The following IDE variants were observed in gnomAD, a reference collection of about 807,000 sequenced individuals.
IDE encodes the protein insulin degrading enzyme.
Under a neutral mutation model 133.2 loss-of-function variants are expected in IDE, and 58 were observed. That is an observed-to-expected ratio of 0.44 (90% confidence interval 0.35 to 0.54). The LOEUF (loss-of-function observed/expected upper bound fraction) is 0.54. Among genes scored for constraint, IDE ranks in the 20% least tolerant of loss-of-function variants. IDE has a pLI of 0.00. For synonymous variants in IDE, 396 were observed against 421.3 expected, an observed-to-expected ratio of 0.94 and a Z score of 0.73; for missense variants, 981 against 1,234.0, an observed-to-expected ratio of 0.79 and a Z score of 3.07.
At chr10:92,472,490 T>C (rs2149632) in intron 17 of IDE, among the ~76,000 whole-genome samples, 43,861 of 152,176 alleles carry the variant, frequency 0.29, 7,847 homozygotes, top group East Asian at 0.67. Flanking sequence ...GTGATTTTTA[T>C]AATCTAGTCT....
At chr10:92,569,717 T>C (rs970299428) in intron 1 of IDE, among the ~76,000 whole-genome samples, 1 of 152,168 alleles carries the variant, frequency 6.6e-6, no homozygotes, top group Non-Finnish European at 1.5e-5. Context: ...AAAAAGACCA[T>C]TAATCAATTA....
chr10:92,473,817 C>G (rs765493155), intron 17 of IDE, among the ~76,000 whole-genome samples: 1 of 151,954 alleles, frequency 6.6e-6, no homozygotes, highest in Non-Finnish European at 1.5e-5. Flanking sequence ...CCTGTCCCTA[C>G]TAAAAATACA....
At chr10:92,456,844 CAAAAAAAAAAAAAAAAAAAA>C (rs57422406) in intron 22 of IDE, among the ~76,000 whole-genome samples, 3 of 52,180 alleles carry the variant, frequency 5.7e-5, no homozygotes, top group African/African-American at 1.9e-4. Flanking sequence ...GACTCTGTCT[CAAAAAAAAAAAAAAAAAAAA>C]AAAAAAAAAG....
chr10:92,566,809 A>G lies in IDE; in HGVS notation c.98+7113T>C, dbSNP rs903968119. Among the ~76,000 whole-genome samples, 5 of 152,196 alleles carry G rather than the reference A, an allele frequency of 3.3e-5. No individual in the cohort carries two copies. In the South Asian group the frequency reaches 1.0e-3, roughly 32 times the overall value. ...GAGGGGATGACTACCCCCCACCCAA[A>G]AAAGCATAACATACAATAAGCATTC... On this transcript the variant is annotated intron_variant, in intron 1 of 24. Transcript: ENST00000265986.
At chr10:92,551,608 A>G (rs2135759324) in intron 1 of IDE, among the ~76,000 whole-genome samples, 1 of 152,120 alleles carries the variant, frequency 6.6e-6, no homozygotes, top group South Asian at 2.1e-4. Flanking sequence ...GCTAATCACA[A>G]AAGGACAAAT....
chr10:92,472,371 G>C (rs562262012), intron 17 of IDE, among the ~76,000 whole-genome samples: 7 of 152,138 alleles, frequency 4.6e-5, no homozygotes, highest in Middle Eastern at 6.8e-3. Context: ...TTAATTGTGT[G>C]GTATTTTTAA....
chr10:92,525,042 C>T (rs1404873034), intron 4 of IDE, among the ~76,000 whole-genome samples: 1 of 152,216 alleles, frequency 6.6e-6, no homozygotes. Flanking sequence ...GGGTGGATCA[C>T]TTGAGATCAG....
chr10:92,523,701 TAA>T (rs74263178), intron 4 of IDE, among the ~76,000 whole-genome samples: 31 of 117,066 alleles, frequency 2.6e-4, no homozygotes, highest in African/African-American at 3.7e-4. Flanking sequence ...GACTCAGTCT[TAA>T]AAAAAAAAAA....
At chr10:92,559,934 A>G (rs1455331193) in intron 1 of IDE, among the ~76,000 whole-genome samples, 5 of 151,966 alleles carry the variant, frequency 3.3e-5, no homozygotes, top group Admixed American at 2.6e-4. Context: ...ATAGGGTCCC[A>G]CTATGTTGCA....
At position 92,463,848 on chromosome 10, in the gene IDE, A is replaced by T; in HGVS notation, c.2644T>A (p.Phe882Ile). The T allele has an allele frequency of 1.2e-6, 2 of 1,614,148 alleles. No individual in the cohort carries two copies. The highest frequency in any genetic ancestry group is 2.2e-5 in the South Asian group (2 of 91,084). Residue 882 changes from phenylalanine (F) to isoleucine (I), a missense_variant, in exon 21 of 25, where the codon TTC (phenylalanine) becomes ATC (isoleucine). Physicochemically the swap from Phe to Ile is conservative, Grantham distance 21 (BLOSUM62 0). Around this residue, in one of 2 missense-constraint regions of IDE, gnomAD observed 660 missense variants for 894.7 expected, o/e 0.74. Coordinates refer to ENST00000265986, the MANE Select transcript of IDE (RefSeq NM_004969.4). ...KSIEDMTEEA[F>I]QKHIQALAIR... ...GCTAATGCCTGAATGTGTTTTTGGA[A>T]GGCCTCTTCTGTCATGTCCTCTATG... is the stretch of plus-strand genomic sequence containing the variant.
At chr10:92,542,576 C>G (rs752382059) in intron 1 of IDE, among the ~76,000 whole-genome samples, 18 of 152,336 alleles carry the variant, frequency 1.2e-4, no homozygotes, top group Non-Finnish European at 2.2e-4. Flanking sequence ...AGGCATGAGA[C>G]ACTACACCCA....
chr10:92,514,150 C>T (rs144746027), intron 5 of IDE, among the ~76,000 whole-genome samples: 32 of 152,068 alleles, frequency 2.1e-4, no homozygotes, highest in Non-Finnish European at 1.8e-4. Flanking sequence ...AGTAAAAATG[C>T]ATCTTTACTT....
At chr10:92,557,818 A>G (rs1843082514) in intron 1 of IDE, among the ~76,000 whole-genome samples, 1 of 137,488 alleles carries the variant, frequency 7.3e-6, no homozygotes, top group East Asian at 2.4e-4. Flanking sequence ...TAAACCTGGG[A>G]GGCGGAGGTT....
chr10:92,570,807 T>C (rs1488215785), intron 1 of IDE, among the ~76,000 whole-genome samples: 2 of 151,620 alleles, frequency 1.3e-5, no homozygotes, highest in African/African-American at 2.4e-5. Flanking sequence ...TCCCAGCTAC[T>C]CAGGAGGCTG....
chr10:92,513,900 C>T (rs1019554418), intron 5 of IDE, among the ~76,000 whole-genome samples: 24 of 151,856 alleles, frequency 1.6e-4, no homozygotes, highest in African/African-American at 5.6e-4. Flanking sequence ...CAAAAACACA[C>T]AAATATTTAA....
At chr10:92,482,515 A>G (rs544929236) in intron 14 of IDE, among the ~76,000 whole-genome samples, 1 of 152,348 alleles carries the variant, frequency 6.6e-6, no homozygotes, top group East Asian at 1.9e-4. Flanking sequence ...AACAAGACTC[A>G]GGATCATTTA....
At chr10:92,461,443 C>T (rs921082378) in intron 21 of IDE, among the ~76,000 whole-genome samples, 191 bp from the exon 22 acceptor site, 3 of 152,166 alleles carry the variant, frequency 2.0e-5, no homozygotes, top group African/African-American at 7.2e-5. Flanking sequence ...CAACCTCTGC[C>T]TCCTGGGTTC....
intron 4 of IDE, among the ~76,000 whole-genome samples, chr10:92,520,329 A>G (rs1554843861): frequency 6.6e-6 from 1 of 152,226 alleles, no homozygotes; most frequent in Non-Finnish European, 1.5e-5. Flanking sequence ...GCACTAATGT[A>G]TATGAATACT....
In IDE at chr10:92,514,951, G is replaced by A; in HGVS notation, c.753C>T (p.Ser251=). The change falls in exon 5 of 25, where the codon TCC becomes TCT. Residue 251 remains serine, a synonymous_variant. Coordinates refer to ENST00000265986, the MANE Select transcript of IDE (RefSeq NM_004969.4). ...LLKFHSAYYS[S]NLMAVCVLGR... ...CTAAAACACAAACAGCCATTAAGTT[G>A]GATGAATAGTAAGCAGAATGGAATT... The A allele has an allele frequency of 6.2e-7, 1 of 1,612,544 alleles. No homozygotes were observed. Among genetic ancestry groups the A allele is most frequent in the Non-Finnish European group, 8.5e-7 (1 of 1,178,934 alleles).
Sources: allele counts gnomAD v4.1 joint callset (sites outside exome capture counted in the v4.1 genomes callset), GRCh38; gene constraint gnomAD v4.1.1; regional missense constraint gnomAD v4.1.1; transcripts MANE v1.5; gene names NCBI Gene and HGNC (gene_info 2026-07-23, HGNC 2026-07-21).